CNBD1: variants seen among roughly 807,000 people sequenced by gnomAD.
CNBD1 encodes the protein cyclic nucleotide binding domain containing 1, also known as cyclic nucleotide-binding domain-containing protein 1.
CNBD1 carries 71 observed loss-of-function variants against 54.4 expected under a neutral mutation model. The ratio of observed to expected loss-of-function variants is 1.30; its 90% CI spans 1.08 to 1.59. The LOEUF (loss-of-function observed/expected upper bound fraction) is 1.59, where lower values mean the gene tolerates loss of function less well. Among genes scored for constraint, CNBD1 ranks in the 40% most tolerant of loss-of-function variants. CNBD1 has a pLI of 0.00. For synonymous variants in CNBD1, 182 were observed against 170.7 expected (o/e 1.07, Z -0.51); for missense variants, 659 against 518.0 (o/e 1.27, Z -2.64).
intron 4 of CNBD1, among the ~76,000 whole-genome samples, chr8:86,996,937 G>T (rs6468613): frequency 0.52 from 79,141 of 152,000 alleles, 20,814 homozygotes; most frequent in African/African-American, 0.61. Context: ...GTCCTTACAT[G>T]ATAGAAAAGG....
intron 5 of CNBD1, among the ~76,000 whole-genome samples, chr8:87,229,109 C>T (rs760488552): frequency 2.0e-5 from 3 of 152,172 alleles, no homozygotes; most frequent in Non-Finnish European, 2.9e-5. Context: ...TGCTTTGGCT[C>T]GCACATGGTG....
chr8:87,184,579 G>T (rs1310310384), intron 4 of CNBD1, among the ~76,000 whole-genome samples: 1 of 152,154 alleles, frequency 6.6e-6, no homozygotes, highest in African/African-American at 2.4e-5. Context: ...GGGTCATGGG[G>T]TCTCCTGCAG....
At chr8:87,358,468 T>A (rs1810463015) in intron 10 of CNBD1, among the ~76,000 whole-genome samples, 1 of 152,168 alleles carries the variant, frequency 6.6e-6, no homozygotes, top group South Asian at 2.1e-4. Context: ...TGTTTTTTCT[T>A]TTCCTATATA....
chr8:86,936,656 T>C (rs937258310), intron 3 of CNBD1, among the ~76,000 whole-genome samples: 6 of 148,714 alleles, frequency 4.0e-5, no homozygotes, highest in Admixed American at 2.0e-4. Flanking sequence ...GGCAGGAGAA[T>C]GGTGTGAACC....
chr8:87,381,910 C>A (rs1390833291), intron 10 of CNBD1, among the ~76,000 whole-genome samples: 1 of 151,760 alleles, frequency 6.6e-6, no homozygotes, highest in Non-Finnish European at 1.5e-5. Context: ...TGAATAAGTT[C>A]TATGGATCTG....
rs559977445 is a variant in CNBD1 at position 87,076,893 on chromosome 8, C to G, written c.432-129100C>G. Among the ~76,000 whole-genome samples the G allele has an allele frequency of 3.9e-5, 6 of 152,294 alleles. No homozygotes were observed. In the South Asian group the frequency reaches 1.2e-3, roughly 32 times the overall value. On this transcript the variant is annotated intron_variant, in intron 4 of 10. Transcript: ENST00000518476. ...ATAATACAGAAATTATATGAATTGACTTATCCAAGACTGTCTTGCATCATT... is the reference window on the plus strand; with the variant it reads ...ATAATACAGAAATTATATGAATTGAGTTATCCAAGACTGTCTTGCATCATT...
intron 4 of CNBD1, among the ~76,000 whole-genome samples, chr8:86,993,568 G>C (rs1221653519): frequency 6.6e-6 from 1 of 152,160 alleles, no homozygotes; most frequent in Non-Finnish European, 1.5e-5. Context: ...GCTGCTTATA[G>C]CTCATCTGAG....
At chr8:87,363,574 G>A (rs1331536249) in intron 10 of CNBD1, among the ~76,000 whole-genome samples, 1 of 152,084 alleles carries the variant, frequency 6.6e-6, no homozygotes, top group East Asian at 1.9e-4. Context: ...GTATCTCATT[G>A]TGGTTTTGAT....
chr8:86,949,957 T>G (rs1191746512), intron 4 of CNBD1, among the ~76,000 whole-genome samples: 1 of 122,072 alleles, frequency 8.2e-6, no homozygotes, highest in Non-Finnish European at 1.7e-5. Flanking sequence ...CTTTTTTTTT[T>G]TTTTTTTTTT....
At chr8:86,894,214 A>G (rs903949973) in intron 2 of CNBD1, among the ~76,000 whole-genome samples, 9 of 148,906 alleles carry the variant, frequency 6.0e-5, no homozygotes, top group South Asian at 4.3e-4. Flanking sequence ...GGCGCCCGCC[A>G]CCGCGCCCGG....
rs559465885 is a variant in CNBD1 at position 87,394,319 on chromosome 8, A to G, written c.214-34227A>G. Among the ~76,000 whole-genome samples, 25 of 152,030 alleles carry G rather than the reference A, an allele frequency of 1.6e-4. No homozygotes were observed. The East Asian group carries it at 4.7e-3, about 28-fold the overall frequency. On this transcript the variant is annotated intron_variant, in intron 2 of 7. Coordinates refer to the CNBD1 transcript ENST00000521593. ...GCATGCACAGGTGAGGGGACTGGGG[A>G]ATAAAAAGAAGCAGAATAGTTCAAC... is the stretch of plus-strand genomic sequence containing the variant.
intron 2 of CNBD1, among the ~76,000 whole-genome samples, chr8:87,425,427 G>A (rs567275222): frequency 1.3e-5 from 2 of 152,306 alleles, no homozygotes; most frequent in East Asian, 3.9e-4. Flanking sequence ...TTTCTGTTCT[G>A]TTTTTTCTCC....
intron 8 of CNBD1, among the ~76,000 whole-genome samples, chr8:87,341,797 G>A (rs1810068787): frequency 6.6e-6 from 1 of 152,194 alleles, no homozygotes; most frequent in South Asian, 2.1e-4. Context: ...AAACTTTCTG[G>A]TGCTTTGATA....
At chr8:87,424,370 G>T (rs370416257) in intron 2 of CNBD1, among the ~76,000 whole-genome samples, 2 of 151,902 alleles carry the variant, frequency 1.3e-5, no homozygotes, top group African/African-American at 4.8e-5. Context: ...GTGATGTTAG[G>T]GTGTCAATTT....
intron 4 of CNBD1, among the ~76,000 whole-genome samples, chr8:87,017,898 G>A (rs1242679052): frequency 6.6e-6 from 1 of 152,120 alleles, no homozygotes; most frequent in African/African-American, 2.4e-5. Flanking sequence ...ATTTTATAAA[G>A]ACTGAAACTA....
intron 4 of CNBD1, among the ~76,000 whole-genome samples, chr8:86,956,890 G>A (rs532134249): frequency 1.3e-5 from 2 of 152,286 alleles, no homozygotes; most frequent in South Asian, 2.1e-4. Flanking sequence ...GCGAAAGAGG[G>A]CATCCCTGTC....
At chr8:87,366,715 GCATGACAGGTATCTCTGCTTTC>G (rs1810649777) in intron 10 of CNBD1, among the ~76,000 whole-genome samples, 1 of 152,028 alleles carries the variant, frequency 6.6e-6, no homozygotes, top group South Asian at 2.1e-4. Context: ...GGTAAGGAGA[GCATGACAGGTATCTCTGCTTTC>G]CACTGCCATC....
chr8:87,218,373 G>T (rs2130806804), intron 5 of CNBD1, among the ~76,000 whole-genome samples: 1 of 152,166 alleles, frequency 6.6e-6, no homozygotes, highest in Non-Finnish European at 1.5e-5. Flanking sequence ...TGAAATAGAT[G>T]TAGTTCATGC....
chr8:87,120,000 T>C (rs1811858940), intron 4 of CNBD1, among the ~76,000 whole-genome samples: 1 of 152,048 alleles, frequency 6.6e-6, no homozygotes. Flanking sequence ...AGAATCTTTG[T>C]GTTTAAGTTC....
Sources: gnomAD v4.1 joint callset for allele counts (sites outside exome capture counted in the v4.1 genomes callset) on GRCh38, gnomAD v4.1.1 for gene constraint, MANE v1.5 for transcripts, NCBI Gene and HGNC (gene_info 2026-07-23, HGNC 2026-07-21) for gene names.